ABCB5: variants seen among roughly 807,000 people sequenced by gnomAD.
ABCB5 encodes ATP binding cassette subfamily B member 5.
A neutral mutation model predicts 144.2 loss-of-function variants in ABCB5; 155 were observed. The observed-to-expected ratio is 1.08, with a 90% CI of 0.94 to 1.23. The LOEUF is 1.23. Ranked by LOEUF, ABCB5 falls within the 50% of genes most tolerant of loss-of-function variation. The pLI, the probability that ABCB5 is intolerant of heterozygous loss-of-function variation, is 0.00. For missense variants in ABCB5, 1,830 were observed against 1,520.8 expected (o/e 1.20, Z -3.38); for synonymous variants, 610 against 528.6 (o/e 1.15, Z -2.11).
Position 20,624,416 on chromosome 7 carries a change from C to CA in ABCB5, c.53+1085dup, listed in dbSNP as rs1248599783. ...TACACTACAGACCTCATTGGTGAAC[C>CA]AAAAAAACTAACAGGTCAGTAGCAA... On this transcript the variant is annotated intron_variant, in intron 2 of 27. Transcript: ENST00000404938. Among the ~76,000 whole-genome samples, 35 of 152,092 alleles carry CA rather than the reference C, an allele frequency of 2.3e-4. 1 individual carries two copies. The East Asian group carries it at 6.4e-3, about 28-fold the overall frequency.
chr7:20,640,866 C>T (rs1291037703), intron 5 of ABCB5, among the ~76,000 whole-genome samples: 2 of 152,182 alleles, frequency 1.3e-5, no homozygotes, highest in East Asian at 1.9e-4. Flanking sequence ...TTCCAACTAC[C>T]TCACTGGCCT....
chr7:20,681,010 CTTTCTTTCTTTCTT>C (rs1785785032), intron 14 of ABCB5, among the ~76,000 whole-genome samples: 1 of 6,552 alleles, frequency 1.5e-4, no homozygotes, highest in Admixed American at 1.8e-3. Flanking sequence ...TTCTTTCTTT[CTTTCTTTCTTTCTT>C]TCTTTCTTTC....
intron 14 of ABCB5, among the ~76,000 whole-genome samples, chr7:20,680,620 G>C (rs1343872156): frequency 1.3e-5 from 2 of 151,246 alleles, no homozygotes; most frequent in African/African-American, 2.4e-5. Flanking sequence ...AGATGGACTT[G>C]TGGGTGCTGG....
In ABCB5 at chr7:20,651,427, T is replaced by C; in HGVS notation, c.1340T>C (p.Val447Ala). 6.2e-7 allele frequency: 1 copy of C among 1,614,044 alleles called. No homozygotes were observed. Among genetic ancestry groups the C allele is most frequent in the Non-Finnish European group, 8.5e-7 (1 of 1,179,962 alleles). The stretch of plus-strand genomic sequence containing the variant: ...CATTCTTTGGATTGGCAGATCATGG[T>C]GGATGAGAATGACATCAGAGCTTTA... ...LYDPDDGFIM[V>A]DENDIRALNV... Residue 447 changes from valine (V) to alanine (A), a missense_variant, in exon 13 of 28, where the codon GTG becomes GCG. Coordinates refer to ENST00000404938, the MANE Select transcript of ABCB5 (RefSeq NM_001163941.2).
intron 21 of ABCB5, 84 bp downstream of exon 21, chr7:20,723,303 T>G: frequency 7.4e-7 from 1 of 1,350,032 alleles, no homozygotes; most frequent in South Asian, 1.3e-5. Context: ...ATATGATGTG[T>G]TAACCATCTT....
intron 17 of ABCB5, among the ~76,000 whole-genome samples, chr7:20,699,225 G>C (rs1313562554): frequency 2.4e-4 from 36 of 152,118 alleles, no homozygotes; most frequent in Non-Finnish European, 1.5e-5. Context: ...CAAACTGGTG[G>C]TTTCTTGGGA....
In ABCB5 at chr7:20,739,133, A is replaced by T. The variant is rs199642907; in HGVS notation, c.3018A>T (p.Lys1006Asn). 2.7e-5 allele frequency: 43 copies of T among 1,600,942 alleles called. No homozygotes were observed. The East Asian group carries it at 9.6e-4, about 36-fold the overall frequency. Reference sequence around the variant, plus strand: ...TAGACAGCCGCAGTCAAGAAGGGAAAAAGCCAGTAAGCACAACTGTGATCT... The same window carrying T: ...TAGACAGCCGCAGTCAAGAAGGGAATAAGCCAGTAAGCACAACTGTGATCT... The part of the protein sequence containing the change: ...PNIDSRSQEG[K>N]KPDTCEGNLE... The change falls in exon 24 of 28, where the codon AAA (lysine) becomes AAT (asparagine). Residue 1006 changes from lysine (K) to asparagine (N), a missense_variant. Physicochemically the swap from Lys to Asn is moderately conservative, Grantham distance 94. Transcript: ENST00000404938.
chr7:20,755,273 T>C (rs1562595586), intron 27 of ABCB5, among the ~76,000 whole-genome samples, 154 bp from the exon 28 acceptor site: 2 of 152,202 alleles, frequency 1.3e-5, no homozygotes, highest in South Asian at 4.1e-4. Flanking sequence ...TAGATTTCTA[T>C]TGAGTAAGGT....
Position 20,714,625 on chromosome 7 carries a change from C to T in ABCB5, c.2422-8391C>T, listed in dbSNP as rs188306413. The stretch of plus-strand genomic sequence containing the variant: ...AGGGTTTGTGGCTTGTTCTCGGTCG[C>T]ACTGACTGAACATTTCAATAAGTTT... On this transcript the variant is annotated intron_variant, in intron 20 of 27. Transcript: ENST00000404938. 1.5e-3 allele frequency among the ~76,000 whole-genome samples: 223 copies of T among 152,224 alleles called. 2 individuals are homozygous for T. Among genetic ancestry groups the T allele is most frequent in the Non-Finnish European group, 2.5e-3 (173 of 68,014 alleles).
Position 20,643,249 on chromosome 7 carries a change from T to TTC in ABCB5, c.380_381insTC (p.Leu127PhefsTer5). 1 of 1,613,746 alleles carries TTC rather than the reference T, an allele frequency of 6.2e-7. No individual in the cohort carries two copies. Among genetic ancestry groups the TTC allele is most frequent in the Non-Finnish European group, 8.5e-7 (1 of 1,179,770 alleles). Reference sequence around the variant, plus strand: ...ATTTTTGGTTACATACAGATTTCCTTGTGGATTATAACTGCAGCACGACAG... The same window carrying TTC: ...ATTTTTGGTTACATACAGATTTCCTTTCGTGGATTATAACTGCAGCACGACAG... On this transcript the variant is annotated frameshift_variant, in exon 6 of 28. Coordinates refer to ENST00000404938, the MANE Select transcript of ABCB5 (RefSeq NM_001163941.2). LOFTEE classifies it high-confidence loss of function.
intron 1 of ABCB5, among the ~76,000 whole-genome samples, chr7:20,622,744 A>C (rs959733064): frequency 6.6e-6 from 1 of 152,118 alleles, no homozygotes; most frequent in African/African-American, 2.4e-5. Flanking sequence ...TTTAATGATG[A>C]ATGGATTTTC....
At chr7:20,665,102 C>T (rs1785130042) in intron 14 of ABCB5, among the ~76,000 whole-genome samples, 1 of 152,132 alleles carries the variant, frequency 6.6e-6, no homozygotes, top group South Asian at 2.1e-4. Flanking sequence ...GTTATTATTT[C>T]ACGTTCCTAA....
chr7:20,699,862 A>T lies in ABCB5; in HGVS notation c.2192A>T (p.Asp731Val). ...GNNDKTTLKH[D>V]AEIYSMIFVI... ...AATGATAAAACCACATTAAAGCATG[A>T]TGCAGAAATTTATTCCATGATATTC... Residue 731 changes from aspartate to valine, a missense_variant, in exon 18 of 28, where the codon GAT becomes GTT. Physicochemically the swap from Asp to Val is radical, Grantham distance 152. Coordinates refer to ENST00000404938, the MANE Select transcript of ABCB5 (RefSeq NM_001163941.2). 6.2e-7 allele frequency: 1 copy of T among 1,612,530 alleles called. No homozygotes were observed. Among genetic ancestry groups the T allele is most frequent in the Non-Finnish European group, 8.5e-7 (1 of 1,179,256 alleles).
Position 20,739,127 on chromosome 7 carries a change from A to G in ABCB5, c.3012A>G (p.Glu1004=), listed in dbSNP as rs1278244974. The change falls in exon 24 of 28, where the codon GAA becomes GAG. Residue 1004 remains glutamate, a synonymous_variant. Coordinates refer to ENST00000404938, the MANE Select transcript of ABCB5 (RefSeq NM_001163941.2). ...CAAATATAGACAGCCGCAGTCAAGA[A>G]GGGAAAAAGCCAGTAAGCACAACTG... The part of the protein sequence containing the change: ...KKPNIDSRSQ[E]GKKPDTCEGN... The G allele has an allele frequency of 1.2e-6, 2 of 1,603,826 alleles. No individual in the cohort carries two copies. The highest frequency in any genetic ancestry group is 3.4e-5 in the Admixed American group (2 of 58,318).
chr7:20,667,392 C>G (rs554652273), intron 14 of ABCB5: 26 of 985,540 alleles, frequency 2.6e-5, no homozygotes, highest in African/African-American at 3.5e-5. Flanking sequence ...TCAGGAAACC[C>G]TGTGATTCTG....
intron 26 of ABCB5, among the ~76,000 whole-genome samples, chr7:20,750,747 G>T (rs1274789542): frequency 1.3e-5 from 2 of 152,142 alleles, no homozygotes; most frequent in Non-Finnish European, 2.9e-5. Flanking sequence ...GTGGATCTGT[G>T]TAACGGCTCA....
intron 20 of ABCB5, among the ~76,000 whole-genome samples, chr7:20,711,890 CTCCT>C (rs1164279919): frequency 0.011 from 820 of 76,126 alleles, 31 homozygotes; most frequent in Non-Finnish European, 0.017. Context: ...CCCTCCCTCC[CTCCT>C]TCCTTCCTTC....
intron 16 of ABCB5, among the ~76,000 whole-genome samples, chr7:20,697,809 T>C (rs763253088): frequency 1.3e-5 from 2 of 152,182 alleles, no homozygotes; most frequent in Non-Finnish European, 2.9e-5. Flanking sequence ...TCCTACAAGA[T>C]AGGAACTGAT....
chr7:20,749,490 G>A (rs544721077), intron 26 of ABCB5, among the ~76,000 whole-genome samples: 35 of 138,412 alleles, frequency 2.5e-4, no homozygotes, highest in Admixed American at 1.9e-3. Context: ...CACCCGCCTC[G>A]GCTTCCCAAA....
Sources: gnomAD v4.1 joint callset for allele counts (sites outside exome capture counted in the v4.1 genomes callset) on GRCh38, gnomAD v4.1.1 for gene constraint, MANE v1.5 for transcripts, NCBI Gene and HGNC (gene_info 2026-07-23, HGNC 2026-07-21) for gene names.